Variants in NPL observed in about 807,000 individuals in gnomAD.
NPL encodes N-acetylneuraminate pyruvate lyase, also known as N-acetylneuraminate lyase.
In NPL, 32 loss-of-function variants were observed where a neutral mutation model predicts 41.1. The observed-to-expected ratio is 0.78, with a 90% CI of 0.59 to 1.05. The LOEUF is 1.05. Among genes scored for constraint, NPL ranks in the 50% least tolerant of loss-of-function variants. NPL has a pLI of 0.00. For synonymous variants in NPL, 128 were observed against 134.9 expected (o/e 0.95, Z 0.35); for missense variants, 321 against 378.4 (o/e 0.85, Z 1.26).
At chr1:182,806,942 A>T (rs1017730715) in intron 5 of NPL, among the ~76,000 whole-genome samples, 1 of 152,048 alleles carries the variant, frequency 6.6e-6, no homozygotes, top group African/African-American at 2.4e-5. Context: ...GGGTTCAAGC[A>T]ATTCCCCTGC....
chr1:182,828,807 G>C lies in NPL; in HGVS notation c.862G>C (p.Ala288Pro), dbSNP rs1411716209. ...MGPPRLPLQK[A>P]SREFTDSAEA... Reference sequence around the variant, plus strand: ...CCCACCCCGGCTTCCACTGCAGAAAGCCTCCAGGGAGTTTACTGATAGTGC... The same window carrying C: ...CCCACCCCGGCTTCCACTGCAGAAACCCTCCAGGGAGTTTACTGATAGTGC... The change falls in exon 13 of 13, where the codon GCC (alanine) becomes CCC (proline). Residue 288 changes from alanine (A) to proline (P), a missense_variant. Physicochemically the swap from Ala to Pro is conservative, Grantham distance 27. Transcript: ENST00000367553. This position sits in a 1 kb window ranked among gnomAD's most constrained non-coding sequence, Gnocchi z 4.0. The C allele has an allele frequency of 1.2e-6, 2 of 1,614,188 alleles. No homozygotes were observed. The highest frequency in any genetic ancestry group is 1.7e-6 in the Non-Finnish European group (2 of 1,180,032).
chr1:182,793,663 A>C (rs1432444073), intron 2 of NPL, among the ~76,000 whole-genome samples: 6 of 152,210 alleles, frequency 3.9e-5, no homozygotes, highest in Admixed American at 3.9e-4. Context: ...AGGATATAAA[A>C]AGATAGGTAA....
chr1:182,798,909 G>C (rs1191380019), intron 3 of NPL, among the ~76,000 whole-genome samples: 1 of 152,192 alleles, frequency 6.6e-6, no homozygotes, highest in Non-Finnish European at 1.5e-5. Flanking sequence ...TGCCAAGAGT[G>C]CATATAACTG....
At chr1:182,811,553 T>G (rs1324136255) in intron 5 of NPL, among the ~76,000 whole-genome samples, 1 of 152,200 alleles carries the variant, frequency 6.6e-6, no homozygotes, top group Non-Finnish European at 1.5e-5. Context: ...AAATTTTGTG[T>G]GTTTTATCAC....
chr1:182,804,625 G>T (rs1666951397), intron 4 of NPL, among the ~76,000 whole-genome samples: 1 of 152,172 alleles, frequency 6.6e-6, no homozygotes, highest in African/African-American at 2.4e-5. Context: ...CTGCGATTGA[G>T]CTGTCCCTTG....
In NPL at chr1:182,816,778, T is replaced by A; in HGVS notation, c.429T>A (p.Tyr143Ter). 6.2e-7 allele frequency: 1 copy of A among 1,613,684 alleles called. No individual in the cohort carries two copies. Among genetic ancestry groups the A allele is most frequent in the Non-Finnish European group, 8.5e-7 (1 of 1,179,718 alleles). ...CCCCTGCCCTGCCATTTTATTACTA[T>A]CACATTCCTGCCTTGACAGGGGTAA... ...AAAPALPFYY[Y>*]HIPALTGVKI... Residue 143 changes from tyrosine to a stop codon, truncating the protein, a stop_gained, in exon 8 of 13, where the codon TAT becomes TAA. Transcript: ENST00000367553. LOFTEE classifies it high-confidence loss of function.
rs372432905 is a variant in NPL, at chr1:182,822,073, G to A, written c.654-42G>A. 3.2e-6 allele frequency: 4 copies of A among 1,255,878 alleles called. No individual in the cohort carries two copies. The East Asian group carries it at 6.9e-5, about 22-fold the overall frequency. The allele number at this position is 1,255,878 out of a possible 1,614,324, so 77.8% of individuals were successfully genotyped here. On this transcript the variant is annotated intron_variant, in intron 10 of 12. Coordinates refer to ENST00000367553, the MANE Select transcript of NPL (RefSeq NM_030769.3). Reference sequence around the variant, plus strand: ...GGATTTGAAGATCTGGACCTTTCCTGTTGAGTTATTGAACCTGCAGTATTT... The same window carrying A: ...GGATTTGAAGATCTGGACCTTTCCTATTGAGTTATTGAACCTGCAGTATTT...
intron 5 of NPL, among the ~76,000 whole-genome samples, chr1:182,807,956 G>A (rs1414147453): frequency 6.7e-6 from 1 of 149,560 alleles, no homozygotes; most frequent in Non-Finnish European, 1.5e-5. Context: ...GAGACAGAAA[G>A]CCCTCAGAGG....
chr1:182,816,922 T>C (rs1380125125), intron 8 of NPL, 116 bp downstream of exon 8: 1 of 760,652 alleles, frequency 1.3e-6, no homozygotes, highest in Non-Finnish European at 2.3e-6. Context: ...ACACCACCAC[T>C]GACTGGGCAG....
intron 7 of NPL, 57 bp from the exon 8 acceptor site, chr1:182,816,657 A>C (rs1667339542): frequency 8.0e-7 from 1 of 1,244,126 alleles, no homozygotes; most frequent in South Asian, 1.2e-5. Context: ...CTTTTTTACC[A>C]GGAAAGCCAC....
rs1357517094 is a variant in NPL, at chr1:182,828,039, T to C, written c.779-685T>C. On this transcript the variant is annotated intron_variant, in intron 12 of 12. Coordinates refer to ENST00000367553, the MANE Select transcript of NPL (RefSeq NM_030769.3). The surrounding 1 kb of genome is among the most constrained non-coding windows in gnomAD (Gnocchi z 4.0). ...ACCTTTGGCTCAGGCTTGAGATTTC[T>C]TTCATGAGATCTGTTTCCATCCACA... Among the ~76,000 whole-genome samples, 1 of 152,210 alleles carries C rather than the reference T, an allele frequency of 6.6e-6. No homozygotes were observed. Among genetic ancestry groups the C allele is most frequent in the Admixed American group, 6.5e-5 (1 of 15,286 alleles).
chr1:182,803,326 A>T (rs1666907340), intron 3 of NPL, among the ~76,000 whole-genome samples: 1 of 152,250 alleles, frequency 6.6e-6, no homozygotes, highest in Non-Finnish European at 1.5e-5. Context: ...CCATGTCTGC[A>T]ACCATCAATC....
At position 182,828,750 on chromosome 1, in the gene NPL, A is replaced by G; in HGVS notation, c.805A>G (p.Ile269Val). The G allele has an allele frequency of 6.2e-7, 1 of 1,614,220 alleles. No individual in the cohort carries two copies. Among genetic ancestry groups the G allele is most frequent in the Non-Finnish European group, 8.5e-7 (1 of 1,180,040 alleles). ...TTTTGGAGTGTCACAGACCAAAGCC[A>G]TCATGACTCTGGTCTCTGGGATTCC... ...LGFGVSQTKA[I>V]MTLVSGIPMG... Residue 269 changes from isoleucine (I) to valine (V), a missense_variant, in exon 13 of 13, where the codon ATC (isoleucine) becomes GTC (valine). Transcript: ENST00000367553. The surrounding 1 kb of genome is among the most constrained non-coding windows in gnomAD (Gnocchi z 4.0).
At chr1:182,791,612 T>A (rs999658287) in intron 1 of NPL, among the ~76,000 whole-genome samples, 3 of 152,212 alleles carry the variant, frequency 2.0e-5, no homozygotes, top group Admixed American at 6.5e-5. Flanking sequence ...TTGTTTTGAA[T>A]TTTTGAACTA....
At chr1:182,813,298 T>G (rs1243111958) in intron 6 of NPL, among the ~76,000 whole-genome samples, 1 of 152,226 alleles carries the variant, frequency 6.6e-6, no homozygotes, top group African/African-American at 2.4e-5. Context: ...CAGCTTCTTC[T>G]TAATGGGTTT....
intron 3 of NPL, among the ~76,000 whole-genome samples, chr1:182,798,160 C>T (rs1036665378): frequency 1.3e-5 from 2 of 151,750 alleles, no homozygotes; most frequent in African/African-American, 4.8e-5. Context: ...AGCCACACAG[C>T]TAGAAAGGTA....
intron 2 of NPL, 123 bp from the exon 3 acceptor site, chr1:182,794,233 C>CA (rs1666594171): frequency 1.2e-6 from 1 of 860,740 alleles, no homozygotes; most frequent in Admixed American, 1.7e-5. Flanking sequence ...CTTGTACTTG[C>CA]TCTGTGTGTT....
intron 5 of NPL, chr1:182,806,547 G>A (rs1408341192): frequency 6.5e-7 from 1 of 1,535,652 alleles, no homozygotes; most frequent in Admixed American, 2.0e-5. Flanking sequence ...AGGGGAGGGT[G>A]GTGACGGACT....
At position 182,818,652 on chromosome 1, in the gene NPL, G is replaced by A. The variant is rs780412696; in HGVS notation, c.569G>A (p.Arg190His). Reference protein sequence around the residue: ...LDFGQCVDQNRQQQFAFLFGV... With the variant: ...LDFGQCVDQNHQQQFAFLFGV... ...TTCGGGCAATGTGTTGATCAGAATC[G>A]CCAGCAACAGTTTGCTTTCCTTTTT... The change falls in exon 9 of 13, where the codon CGC becomes CAC. Residue 190 changes from arginine (R) to histidine (H), a missense_variant. Coordinates refer to ENST00000367553, the MANE Select transcript of NPL (RefSeq NM_030769.3). The A allele has an allele frequency of 2.2e-5, 36 of 1,614,146 alleles. No homozygotes were observed. The East Asian group carries it at 2.5e-4, about 11-fold the overall frequency.
Sources: allele counts gnomAD v4.1 joint callset (sites outside exome capture counted in the v4.1 genomes callset), GRCh38; gene constraint gnomAD v4.1.1; non-coding constraint Gnocchi (gnomAD v3.1); transcripts MANE v1.5; gene names NCBI Gene and HGNC (gene_info 2026-07-23, HGNC 2026-07-21).